The following PTPRK variants were observed in gnomAD, a reference collection of about 807,000 sequenced individuals.
PTPRK encodes protein tyrosine phosphatase receptor type K, also known as receptor-type tyrosine-protein phosphatase kappa.
A neutral mutation model predicts 178.0 loss-of-function variants in PTPRK; 75 were observed. The observed-to-expected ratio is 0.42, with a 90% CI of 0.35 to 0.51. PTPRK has a LOEUF of 0.51. PTPRK is among the 20% of genes least tolerant of loss of function. The pLI is 0.02. For missense variants in PTPRK, 1,441 were observed against 1,797.8 expected (o/e 0.80, Z 3.59); for synonymous variants, 637 against 620.6 (o/e 1.03, Z -0.39).
intron 1 of PTPRK, among the ~76,000 whole-genome samples, chr6:128,417,102 T>C (rs1316051497): frequency 6.6e-6 from 1 of 151,634 alleles, no homozygotes; most frequent in Non-Finnish European, 1.5e-5. Flanking sequence ...ATCTAAAGTC[T>C]GTATTTTCCC....
intron 6 of PTPRK, among the ~76,000 whole-genome samples, chr6:128,202,888 T>C (rs1182727656): frequency 6.6e-6 from 1 of 152,104 alleles, no homozygotes; most frequent in Non-Finnish European, 1.5e-5. Context: ...GCGGGATTCT[T>C]CCCTACCTCT....
intron 13 of PTPRK, among the ~76,000 whole-genome samples, chr6:128,035,000 T>C (rs912837177): frequency 2.0e-5 from 3 of 152,200 alleles, no homozygotes; most frequent in African/African-American, 7.2e-5. Flanking sequence ...CCATTTATGC[T>C]GGTTAAAGAA....
At chr6:128,103,609 G>C (rs558960668) in intron 7 of PTPRK, among the ~76,000 whole-genome samples, 69 of 152,150 alleles carry the variant, frequency 4.5e-4, no homozygotes, top group African/African-American at 1.6e-3. Context: ...CCTGCGATAG[G>C]GGTCACAGAA....
At chr6:128,118,120 A>G (rs1791859263) in intron 7 of PTPRK, among the ~76,000 whole-genome samples, 2 of 152,216 alleles carry the variant, frequency 1.3e-5, no homozygotes, top group Non-Finnish European at 2.9e-5. Context: ...GCTCATAGGC[A>G]AACAACAATA....
intron 7 of PTPRK, among the ~76,000 whole-genome samples, chr6:128,149,238 C>T (rs1349193986): frequency 1.3e-5 from 2 of 151,578 alleles, no homozygotes; most frequent in African/African-American, 4.8e-5. Flanking sequence ...ACCAACATGG[C>T]ACATGTATAC....
At chr6:128,145,165 C>T (rs549212609) in intron 7 of PTPRK, among the ~76,000 whole-genome samples, 3 of 152,100 alleles carry the variant, frequency 2.0e-5, no homozygotes, top group Non-Finnish European at 4.4e-5. Context: ...TTAAAAGGCA[C>T]TGCCTTTCAA....
Position 128,357,533 on chromosome 6 carries a change from A to T in PTPRK, c.224-35223T>A, listed in dbSNP as rs547246218. ...TCTAGGTGGGGACCCCAGATCCCAG[A>T]CATCTAGCTCCACTGTAAGTCTTAA... On this transcript the variant is annotated intron_variant, in intron 2 of 29. Coordinates refer to ENST00000368226, the MANE Select transcript of PTPRK (RefSeq NM_002844.4). 1.2e-4 allele frequency among the ~76,000 whole-genome samples: 19 copies of T among 152,318 alleles called. No individual in the cohort carries two copies. The Middle Eastern group carries it at 0.01, about 82-fold the overall frequency.
chr6:128,008,651 G>C (rs1422374168), intron 14 of PTPRK, among the ~76,000 whole-genome samples: 2 of 150,856 alleles, frequency 1.3e-5, no homozygotes, highest in African/African-American at 4.9e-5. Flanking sequence ...ATTTTAAAAG[G>C]CTAAAATTTT....
intron 6 of PTPRK, 33 bp downstream of exon 6, chr6:128,218,889 C>T (rs949240924): frequency 6.4e-7 from 1 of 1,564,976 alleles, no homozygotes. Flanking sequence ...TAAAGCCATG[C>T]AATTTCGTGA....
Position 128,089,969 on chromosome 6 carries a change from A to C in PTPRK, c.1186T>G (p.Leu396Val). Residue 396 changes from leucine to valine, a missense_variant, in exon 8 of 30, where the codon TTA becomes GTA. Leu to Val is a conservative substitution (Grantham distance 32, BLOSUM62 1). Transcript: ENST00000368226. ...CAEPMRTPKT[L>V]KIAEIQARRI... ...CTTGCCTGTATTTCAGCAATCTTTA[A>C]TGTCTTTGGGGTTCTCATAGGTTCT... 2.5e-6 allele frequency: 4 copies of C among 1,608,494 alleles called. No individual in the cohort carries two copies. The highest frequency in any genetic ancestry group is 2.2e-5 in the South Asian group (2 of 91,004).
intron 1 of PTPRK, among the ~76,000 whole-genome samples, chr6:128,497,007 C>T (rs1431828332): frequency 1.3e-5 from 2 of 152,094 alleles, no homozygotes; most frequent in African/African-American, 4.8e-5. Context: ...AAATAAAAAT[C>T]GTAACATCCA....
intron 3 of PTPRK, among the ~76,000 whole-genome samples, chr6:128,310,255 C>G (rs1220517365): frequency 6.6e-6 from 1 of 151,958 alleles, no homozygotes; most frequent in Non-Finnish European, 1.5e-5. Flanking sequence ...GATTTATTGG[C>G]TGAGGTGAGA....
intron 5 of PTPRK, among the ~76,000 whole-genome samples, chr6:128,229,426 T>C (rs913573381): frequency 1.3e-5 from 2 of 152,214 alleles, no homozygotes; most frequent in Non-Finnish European, 2.9e-5. Context: ...ATTAGGTATT[T>C]TATCATTAAA....
intron 25 of PTPRK, 149 bp downstream of exon 25, chr6:127,980,964 AATC>A: frequency 1.4e-6 from 1 of 733,384 alleles, no homozygotes; most frequent in Non-Finnish European, 2.1e-6. Flanking sequence ...GAAAACCTAA[AATC>A]ATTTTCCAAA....
At chr6:128,498,971 G>T (rs896966808) in intron 1 of PTPRK, among the ~76,000 whole-genome samples, 1 of 152,130 alleles carries the variant, frequency 6.6e-6, no homozygotes, top group African/African-American at 2.4e-5. Flanking sequence ...GTTCCATTGA[G>T]TATCACAATA....
rs1004597881 is a variant in PTPRK, at chr6:128,519,457, C to T, written c.100+802G>A. 6.6e-6 allele frequency among the ~76,000 whole-genome samples: 1 copy of T among 151,946 alleles called. No homozygotes were observed. The highest frequency in any genetic ancestry group is 1.5e-5 in the Non-Finnish European group (1 of 67,992). Reference sequence around the variant, plus strand: ...GTCCGCTTCCAGCCCCAGGCCGGATCCGGGGAGCGCGGGGCCAGAGCCCCA... The same window carrying T: ...GTCCGCTTCCAGCCCCAGGCCGGATTCGGGGAGCGCGGGGCCAGAGCCCCA... On this transcript the variant is annotated intron_variant, in intron 1 of 29. Transcript: ENST00000368226. The surrounding 1 kb of genome is among the most constrained non-coding windows in gnomAD (Gnocchi z 4.3).
chr6:128,205,635 G>A (rs1296146689), intron 6 of PTPRK, among the ~76,000 whole-genome samples: 1 of 151,584 alleles, frequency 6.6e-6, no homozygotes, highest in African/African-American at 2.4e-5. Context: ...ATTGGGAGTG[G>A]TGGGGGGCAC....
At chr6:128,086,419 G>A (rs1329157615) in intron 8 of PTPRK, among the ~76,000 whole-genome samples, 18 of 152,100 alleles carry the variant, frequency 1.2e-4, no homozygotes, top group African/African-American at 3.1e-4. Context: ...AATTCTGTTC[G>A]TCCATTAAAA....
In PTPRK at chr6:128,151,420, C is replaced by G. The variant is rs188523131; in HGVS notation, c.1162+33012G>C. ...TCTTTATCTATATAGCTTTAAACAT[C>G]TCTTTAGTAGATTATTACTAAATAT... is the stretch of plus-strand genomic sequence containing the variant. On this transcript the variant is annotated intron_variant, in intron 7 of 29. Coordinates refer to ENST00000368226, the MANE Select transcript of PTPRK (RefSeq NM_002844.4). 1.3e-3 allele frequency among the ~76,000 whole-genome samples: 192 copies of G among 152,088 alleles called. 1 individual carries two copies. The highest frequency in any genetic ancestry group is 2.2e-3 in the Non-Finnish European group (148 of 67,944).
Sources: gnomAD v4.1 joint callset for allele counts (sites outside exome capture counted in the v4.1 genomes callset) on GRCh38, gnomAD v4.1.1 for gene constraint, Gnocchi (gnomAD v3.1) non-coding constraint, MANE v1.5 for transcripts, NCBI Gene and HGNC (gene_info 2026-07-23, HGNC 2026-07-21) for gene names.